SLC6A18: variants seen among roughly 807,000 people sequenced by gnomAD.
SLC6A18 encodes inactive sodium-dependent neutral amino acid transporter B(0)AT3.
SLC6A18 carries 58 observed loss-of-function variants against 62.9 expected under a neutral mutation model. The observed-to-expected ratio is 0.92, with a 90% CI of 0.75 to 1.15. The LOEUF is 1.15. Ranked by LOEUF, SLC6A18 falls within the 50% of genes most tolerant of loss-of-function variation. The pLI is 0.00. For synonymous variants in SLC6A18, 382 were observed against 365.8 expected, an observed-to-expected ratio of 1.04 and a Z score of -0.51; for missense variants, 793 against 836.6, an observed-to-expected ratio of 0.95 and a Z score of 0.64.
At chr5:1,239,634 ATCAC>A in intron 6 of SLC6A18, 72 bp downstream of exon 6, 1 of 1,182,604 alleles carries the variant, frequency 8.5e-7, no homozygotes, top group South Asian at 1.3e-5. Context: ...TGATCTCAGG[ATCAC>A]ACTGTGGATC....
chr5:1,232,113 A>C, intron 1 of SLC6A18, 106 bp from the exon 2 acceptor site: 1 of 988,982 alleles, frequency 1.0e-6, no homozygotes, highest in Admixed American at 2.3e-5. Flanking sequence ...CCCAACATTC[A>C]GGTCCCGTCT....
rs1561181147 is a variant in SLC6A18 at position 1,243,759 on chromosome 5, G to A, written c.1336G>A (p.Gly446Arg). Residue 446 changes from glycine (G) to arginine (R), a missense_variant and splice_region_variant, in exon 9 of 12, where the codon GGG (glycine) becomes AGG (arginine). Gly to Arg is a moderately radical substitution (Grantham distance 125). Transcript: ENST00000324642. The surrounding 1 kb of genome is among the most constrained non-coding windows in gnomAD (Gnocchi z 6.5). ...PRWVPKEALTGLVCLVCFLSA... is the reference protein window; with the variant it reads ...PRWVPKEALTRLVCLVCFLSA... ...ATGGGTCCCCAAGGAGGCCCTGACT[G>A]GTGAGCGCACAGCTCCGCCGCCCTG... The A allele has an allele frequency of 1.2e-6, 2 of 1,601,548 alleles. No homozygotes were observed. The highest frequency in any genetic ancestry group is 1.7e-4 in the Middle Eastern group (1 of 5,974).
chr5:1,232,502 G>A (rs1351433113), intron 2 of SLC6A18, 143 bp downstream of exon 2: 9 of 1,218,366 alleles, frequency 7.4e-6, no homozygotes, highest in Non-Finnish European at 1.0e-5. Flanking sequence ...GGGAGCCCTT[G>A]GGTGTGTGTG....
At position 1,244,602 on chromosome 5, in the gene SLC6A18, G is replaced by T. The variant is rs761509633; in HGVS notation, c.1497-6G>T. The T allele has an allele frequency of 6.3e-7, 1 of 1,589,922 alleles. No homozygotes were observed. The highest frequency in any genetic ancestry group is 8.6e-7 in the Non-Finnish European group (1 of 1,164,476). On this transcript the variant is annotated splice_polypyrimidine_tract_variant and splice_region_variant and intron_variant, in intron 10 of 11. Transcript: ENST00000324642. ...ATGTGAAGCCTGAGCCCAGCATCTGGTGCAGGTTCTGCGATGACATTGCGT... is the reference window on the plus strand; with the variant it reads ...ATGTGAAGCCTGAGCCCAGCATCTGTTGCAGGTTCTGCGATGACATTGCGT...
intron 6 of SLC6A18, among the ~76,000 whole-genome samples, chr5:1,239,929 G>A (rs1391481160): frequency 1.3e-5 from 2 of 152,230 alleles, no homozygotes; most frequent in African/African-American, 4.8e-5. Flanking sequence ...CCTACAAAGT[G>A]CAATTCCACG....
intron 1 of SLC6A18, among the ~76,000 whole-genome samples, chr5:1,228,740 C>T (rs1167810801): frequency 6.6e-6 from 1 of 152,182 alleles, no homozygotes; most frequent in Non-Finnish European, 1.5e-5. Flanking sequence ...GGCGTGCTGG[C>T]GTCTACTTGT....
At position 1,236,196 on chromosome 5, in the gene SLC6A18, G is replaced by A. The variant is rs138808648; in HGVS notation, c.621+534G>A. ...TTCAGGATCCCGCTCTATCTCCTTG[G>A]TTGGTTTAGCTTTAACTCTCTCTTG... is the stretch of plus-strand genomic sequence containing the variant. On this transcript the variant is annotated intron_variant, in intron 4 of 11. Coordinates refer to ENST00000324642, the MANE Select transcript of SLC6A18 (RefSeq NM_182632.3). Among the ~76,000 whole-genome samples the A allele has an allele frequency of 1.7e-3, 254 of 151,964 alleles. 1 individual carries two copies. The highest frequency in any genetic ancestry group is 1.8e-3 in the Non-Finnish European group (124 of 67,992).
In SLC6A18 at chr5:1,244,653, C is replaced by T. The variant is rs752116571; in HGVS notation, c.1542C>T (p.Pro514=). The change falls in exon 11 of 12, where the codon CCC becomes CCT. Residue 514 remains proline (P), a synonymous_variant. Transcript: ENST00000324642. ...IAWMTGRRPS[P]YWRLTWRVVS... ...GGATGACCGGGAGGCGGCCCAGCCC[C>T]TACTGGCGGCTGACCTGGAGGGTGG... 1.2e-6 allele frequency: 2 copies of T among 1,610,972 alleles called. No individual in the cohort carries two copies. The highest frequency in any genetic ancestry group is 1.1e-5 in the South Asian group (1 of 90,998).
chr5:1,233,963 G>T (rs1035836392), intron 3 of SLC6A18, among the ~76,000 whole-genome samples: 1 of 152,154 alleles, frequency 6.6e-6, no homozygotes, highest in South Asian at 2.1e-4. Flanking sequence ...GGATGGTCTC[G>T]ATCTCCTGAC....
intron 4 of SLC6A18, 94 bp downstream of exon 4, chr5:1,235,756 C>T (rs1033485220): frequency 3.3e-5 from 42 of 1,287,090 alleles, no homozygotes; most frequent in South Asian, 2.1e-4. Flanking sequence ...TCTACAAGCT[C>T]TTGCGAGGGG....
rs1747220410 is a variant in SLC6A18 at position 1,246,165 on chromosome 5, C to G, written c.*87C>G. 2.8e-6 allele frequency: 4 copies of G among 1,439,844 alleles called. No individual in the cohort carries two copies. The highest frequency in any genetic ancestry group is 3.7e-6 in the Non-Finnish European group (4 of 1,094,316). 89.2% of individuals were successfully genotyped at this position (1,439,844 alleles called of 1,614,324 possible). On this transcript the variant is annotated 3_prime_UTR_variant, in exon 12 of 12. Coordinates refer to ENST00000324642, the MANE Select transcript of SLC6A18 (RefSeq NM_182632.3). Reference sequence around the variant, plus strand: ...GGGGCCCCGCCCACAGGGCCGACCCCAATACACCAGCGACTCAACCTTGAT... The same window carrying G: ...GGGGCCCCGCCCACAGGGCCGACCCGAATACACCAGCGACTCAACCTTGAT...
At position 1,225,627 on chromosome 5, in the gene SLC6A18, C is replaced by T. The variant is rs1183148878; in HGVS notation, c.150C>T (p.Thr50=). Residue 50 remains threonine (T), a synonymous_variant, in exon 1 of 12, where the codon ACC becomes ACT. Coordinates refer to ENST00000324642, the MANE Select transcript of SLC6A18 (RefSeq NM_182632.3). ...GGCGGTTCCCATACCTGTGCCAGACCTATGGAGGAGGTAAGCACCCACCTG... is the reference window on the plus strand; with the variant it reads ...GGCGGTTCCCATACCTGTGCCAGACTTATGGAGGAGGTAAGCACCCACCTG... The part of the protein sequence containing the change: ...NIWRFPYLCQ[T]YGGGAFLIPY... 2.5e-6 allele frequency: 4 copies of T among 1,586,476 alleles called. No individual in the cohort carries two copies. In the South Asian group the frequency reaches 3.5e-5, roughly 14 times the overall value.
Position 1,244,595 on chromosome 5 carries a change from G to A in SLC6A18, c.1497-13G>A. 2 of 1,583,424 alleles carry A rather than the reference G, an allele frequency of 1.3e-6. No individual in the cohort carries two copies. Among genetic ancestry groups the A allele is most frequent in the Admixed American group, 1.7e-5 (1 of 58,318 alleles). On this transcript the variant is annotated splice_polypyrimidine_tract_variant and intron_variant, in intron 10 of 11. Transcript: ENST00000324642. ...ACAGACCATGTGAAGCCTGAGCCCAGCATCTGGTGCAGGTTCTGCGATGAC... is the reference window on the plus strand; with the variant it reads ...ACAGACCATGTGAAGCCTGAGCCCAACATCTGGTGCAGGTTCTGCGATGAC...
At position 1,243,457 on chromosome 5, in the gene SLC6A18, T is replaced by C; in HGVS notation, c.1132-98T>C. 4 of 1,387,890 alleles carry C rather than the reference T, an allele frequency of 2.9e-6. No homozygotes were observed. The highest frequency in any genetic ancestry group is 3.5e-5 in the Admixed American group (2 of 56,554). The allele number at this position is 1,387,890 out of a possible 1,614,324, so 86.0% of individuals were successfully genotyped here. A position where few individuals can be genotyped will look rare whatever the true frequency, so the allele number is the denominator to read the frequency against. The stretch of plus-strand genomic sequence containing the variant: ...CCAGGAGGGGTGATGTGCACTCGTG[T>C]CCTCGGCCTGGGAGAGTGTGTGTCC... On this transcript the variant is annotated intron_variant, in intron 8 of 11. Transcript: ENST00000324642. The surrounding 1 kb of genome is among the most constrained non-coding windows in gnomAD (Gnocchi z 6.5).
chr5:1,229,138 A>C (rs906856154), intron 1 of SLC6A18, among the ~76,000 whole-genome samples: 1 of 152,186 alleles, frequency 6.6e-6, no homozygotes, highest in Non-Finnish European at 1.5e-5. Flanking sequence ...GGCAGTCTAC[A>C]TACGGCTTTA....
At chr5:1,245,674 G>A (rs901339985) in intron 11 of SLC6A18, among the ~76,000 whole-genome samples, 174 bp from the exon 12 acceptor site, 1 of 152,216 alleles carries the variant, frequency 6.6e-6, no homozygotes, top group African/African-American at 2.4e-5. Context: ...CTCCTGGCCC[G>A]GAGGGGCGGT....
At chr5:1,226,547 G>A (rs999230858) in intron 1 of SLC6A18, among the ~76,000 whole-genome samples, 2 of 152,206 alleles carry the variant, frequency 1.3e-5, no homozygotes, top group African/African-American at 4.8e-5. Flanking sequence ...CCTTTAAAGT[G>A]TTTTTCCTCC....
Position 1,240,960 on chromosome 5 carries a change from C to T in SLC6A18, c.974+301C>T, listed in dbSNP as rs370552252. 1.4e-4 allele frequency among the ~76,000 whole-genome samples: 22 copies of T among 152,254 alleles called. No individual in the cohort carries two copies. In the East Asian group the frequency reaches 2.5e-3, roughly 17 times the overall value. ...GAGACAGACACAGAGGAGGAGGCCACGTGAAGACAGGCAGAGGTCGCAGCG... is the reference window on the plus strand; with the variant it reads ...GAGACAGACACAGAGGAGGAGGCCATGTGAAGACAGGCAGAGGTCGCAGCG... On this transcript the variant is annotated intron_variant, in intron 7 of 11. Transcript: ENST00000324642.
In SLC6A18 at chr5:1,237,919, C is replaced by G. The variant is rs115443945; in HGVS notation, c.622-31C>G. 1,177 of 1,569,678 alleles carry G rather than the reference C, an allele frequency of 7.5e-4. 9 individuals are homozygous for G. In the African/African-American group the frequency reaches 0.014, roughly 18 times the overall value. ...CTTGTGGACAGACCAGAGGCCATTT[C>G]AAGTCTCATGACTCCACCTTTTGTT... On this transcript the variant is annotated intron_variant, in intron 4 of 11. Transcript: ENST00000324642.
Sources: gnomAD v4.1 joint callset for allele counts (sites outside exome capture counted in the v4.1 genomes callset) on GRCh38, gnomAD v4.1.1 for gene constraint, Gnocchi (gnomAD v3.1) non-coding constraint, MANE v1.5 for transcripts, NCBI Gene and HGNC (gene_info 2026-07-23, HGNC 2026-07-21) for gene names.